Variants in ACYP2 observed in about 807,000 individuals in gnomAD.
The protein encoded by ACYP2 is acylphosphatase 2.
Under a neutral mutation model 11.2 loss-of-function variants are expected in ACYP2, and 12 were observed. That is an observed-to-expected ratio of 1.08 (90% confidence interval 0.69 to 1.74). ACYP2 has a LOEUF of 1.74. Among genes scored for constraint, ACYP2 ranks in the 40% most tolerant of loss-of-function variants. ACYP2 has a pLI of 0.00. For missense variants in ACYP2, 134 were observed against 101.9 expected (o/e 1.31, Z -1.35); for synonymous variants, 43 against 32.2 (o/e 1.33, Z -1.13).
At chr2:54,142,009 G>T (rs200917732) in intron 6 of ACYP2, 1 of 439,836 alleles carries the variant, frequency 2.3e-6, no homozygotes, top group Admixed American at 3.8e-5. Flanking sequence ...GTGTGTGTGT[G>T]TGTATATTTT....
chr2:54,156,773 C>T (rs1000826332), intron 6 of ACYP2, among the ~76,000 whole-genome samples: 1 of 152,060 alleles, frequency 6.6e-6, no homozygotes, highest in Non-Finnish European at 1.5e-5. Flanking sequence ...TCAAGCAATT[C>T]TTCCTGCCTC....
chr2:54,181,278 G>A (rs1330392798), intron 6 of ACYP2, among the ~76,000 whole-genome samples: 1 of 152,182 alleles, frequency 6.6e-6, no homozygotes, highest in Non-Finnish European at 1.5e-5. Context: ...GACAGTAAGT[G>A]GGGCAGGACA....
intron 6 of ACYP2, among the ~76,000 whole-genome samples, chr2:54,201,603 T>TC (rs1491242638): frequency 2.3e-5 from 2 of 86,574 alleles, no homozygotes; most frequent in East Asian, 6.4e-4. Flanking sequence ...TCTCTTTCTT[T>TC]CTTTCTTTCT....
chr2:54,064,173 T>G (rs900876861), intron 4 of ACYP2, among the ~76,000 whole-genome samples: 1 of 152,070 alleles, frequency 6.6e-6, no homozygotes, highest in African/African-American at 2.4e-5. Flanking sequence ...TGCTCAGCAT[T>G]TTTTGAAACC....
At chr2:54,050,212 T>C (rs984066136) in intron 2 of ACYP2, among the ~76,000 whole-genome samples, 2 of 152,162 alleles carry the variant, frequency 1.3e-5, no homozygotes, top group Non-Finnish European at 2.9e-5. Flanking sequence ...TGACATTTAA[T>C]GAAACATTAT....
At chr2:54,065,355 T>A in intron 4 of ACYP2, 1 of 396,170 alleles carries the variant, frequency 2.5e-6, no homozygotes, top group Non-Finnish European at 4.4e-6. Flanking sequence ...TTGCTATCGA[T>A]AATTTAATGG....
intron 6 of ACYP2, among the ~76,000 whole-genome samples, chr2:54,296,553 C>A (rs1000145001): frequency 6.6e-6 from 1 of 152,148 alleles, no homozygotes; most frequent in South Asian, 2.1e-4. Context: ...AGATCATTGT[C>A]CTTTTCCATT....
chr2:54,296,597 T>G (rs1689533561), intron 6 of ACYP2, among the ~76,000 whole-genome samples: 1 of 152,214 alleles, frequency 6.6e-6, no homozygotes, highest in African/African-American at 2.4e-5. Flanking sequence ...CTGTTTATGA[T>G]CCTCATCAAA....
intron 6 of ACYP2, among the ~76,000 whole-genome samples, chr2:54,151,484 G>T (rs373943941): frequency 8.5e-4 from 129 of 152,204 alleles, no homozygotes; most frequent in African/African-American, 2.8e-3. Context: ...CAAATAGACA[G>T]GGTTATTAAG....
At chr2:53,971,597 A>T (rs957614780) in intron 1 of ACYP2, among the ~76,000 whole-genome samples, 4 of 152,194 alleles carry the variant, frequency 2.6e-5, no homozygotes. Flanking sequence ...TAGAAAGTTT[A>T]ACCTGGTTTC....
intron 6 of ACYP2, chr2:54,254,609 G>C (rs893512876): frequency 2.6e-5 from 7 of 269,124 alleles, no homozygotes; most frequent in African/African-American, 1.5e-4. Flanking sequence ...GAGGTCCTGG[G>C]AACAAACCGA....
intron 6 of ACYP2, among the ~76,000 whole-genome samples, chr2:54,227,761 A>G (rs761567654): frequency 6.6e-6 from 1 of 152,234 alleles, no homozygotes; most frequent in Non-Finnish European, 1.5e-5. Flanking sequence ...GTAAGTTGTG[A>G]TATTTTAAGG....
At chr2:54,199,844 T>C (rs1384724802) in intron 6 of ACYP2, among the ~76,000 whole-genome samples, 1 of 152,222 alleles carries the variant, frequency 6.6e-6, no homozygotes, top group Non-Finnish European at 1.5e-5. Context: ...TGTTCTGTCA[T>C]GCGGGACCCA....
At chr2:54,152,521 C>A (rs971791294) in intron 6 of ACYP2, among the ~76,000 whole-genome samples, 2 of 152,132 alleles carry the variant, frequency 1.3e-5, no homozygotes, top group Non-Finnish European at 2.9e-5. Context: ...TTCCACTACA[C>A]TAAAAATCCC....
intron 4 of ACYP2, among the ~76,000 whole-genome samples, chr2:54,060,404 A>G (rs991262684): frequency 1.3e-5 from 2 of 152,120 alleles, no homozygotes; most frequent in African/African-American, 2.4e-5. Context: ...TTTTTAAAAA[A>G]TAATCATCTT....
rs142168301 is a variant in ACYP2 at position 54,033,043 on chromosome 2, T to C, written c.63-17915T>C. Among the ~76,000 whole-genome samples, 15 of 152,128 alleles carry C rather than the reference T, an allele frequency of 9.9e-5. No homozygotes were observed. In the East Asian group the frequency reaches 2.9e-3, roughly 29 times the overall value. Reference sequence around the variant, plus strand: ...TGTACAGTGTTGGGTATTTAGGCAGTTTATGAGGATTAAAGCCCAAGGCAA... The same window carrying C: ...TGTACAGTGTTGGGTATTTAGGCAGCTTATGAGGATTAAAGCCCAAGGCAA... On this transcript the variant is annotated intron_variant, in intron 2 of 6. Coordinates refer to ENST00000607452, the MANE Select transcript of ACYP2 (RefSeq NM_001320586.2).
chr2:54,276,160 C>T (rs976300025), intron 6 of ACYP2, among the ~76,000 whole-genome samples: 3 of 150,584 alleles, frequency 2.0e-5, no homozygotes, highest in Non-Finnish European at 4.5e-5. Context: ...GAGTTTTTAT[C>T]CCAAAATACA....
chr2:54,101,695 C>T (rs1678902634), intron 4 of ACYP2, among the ~76,000 whole-genome samples: 1 of 149,472 alleles, frequency 6.7e-6, no homozygotes, highest in Non-Finnish European at 1.5e-5. Context: ...AAAAAACTGC[C>T]AGGTGAAGTG....
chr2:54,034,277 G>A (rs896751408), intron 2 of ACYP2, among the ~76,000 whole-genome samples: 17 of 152,168 alleles, frequency 1.1e-4, no homozygotes, highest in African/African-American at 4.1e-4. Flanking sequence ...AGAATTGCTT[G>A]AACTCAGGAG....
Sources: gnomAD v4.1 joint callset for allele counts (sites outside exome capture counted in the v4.1 genomes callset) on GRCh38, gnomAD v4.1.1 for gene constraint, MANE v1.5 for transcripts, NCBI Gene and HGNC (gene_info 2026-07-23, HGNC 2026-07-21) for gene names.